AGO2: variants seen among roughly 807,000 people sequenced by gnomAD.
The protein encoded by AGO2 is protein argonaute-2.
Under a neutral mutation model 102.3 loss-of-function variants are expected in AGO2, and 5 were observed. That is an observed-to-expected ratio of 0.05 (90% CI 0.03 to 0.10). The LOEUF (loss-of-function observed/expected upper bound fraction) is 0.10. Among genes scored for constraint, AGO2 ranks in the 10% least tolerant of loss-of-function variants. The pLI, the probability that AGO2 is intolerant of heterozygous loss-of-function variation, is 1.00. For synonymous variants in AGO2, 449 were observed against 473.1 expected, an observed-to-expected ratio of 0.95 and a Z score of 0.66; for missense variants, 541 against 1,183.7, an observed-to-expected ratio of 0.46 and a Z score of 7.97.
At chr8:140,536,615 G>A (rs956733999) in intron 16 of AGO2, among the ~76,000 whole-genome samples, 6 of 152,206 alleles carry the variant, frequency 3.9e-5, no homozygotes, top group Admixed American at 6.5e-5. Flanking sequence ...ATGAGCCAGC[G>A]CATCCGGCCC....
At position 140,539,548 on chromosome 8, in the gene AGO2, C is replaced by A. The variant is rs1438977164; in HGVS notation, c.2035-94G>T. The A allele has an allele frequency of 7.1e-7, 1 of 1,418,398 alleles. No homozygotes were observed. Among genetic ancestry groups the A allele is most frequent in the East Asian group, 2.3e-5 (1 of 42,814 alleles). The allele number at this position is 1,418,398 out of a possible 1,614,324, so 87.9% of individuals were successfully genotyped here. On this transcript the variant is annotated intron_variant, in intron 15 of 18. Transcript: ENST00000220592. The surrounding 1 kb of genome is among the most constrained non-coding windows in gnomAD (Gnocchi z 4.7). ...GGGTTCTGGGTTGAGAACACCCAGC[C>A]GTGGTGATTCTGAGAGACAATGAGT...
rs1345428682 is a variant in AGO2 at position 140,539,519 on chromosome 8, G to A, written c.2035-65C>T. On this transcript the variant is annotated intron_variant, in intron 15 of 18. Transcript: ENST00000220592. The surrounding 1 kb of genome is among the most constrained non-coding windows in gnomAD (Gnocchi z 4.7). The stretch of plus-strand genomic sequence containing the variant: ...TAGTGCATGTGAGCAACGGTCCCAC[G>A]TGCGGGTTCTGGGTTGAGAACACCC... 7 of 1,541,018 alleles carry A rather than the reference G, an allele frequency of 4.5e-6. No individual in the cohort carries two copies. Among genetic ancestry groups the A allele is most frequent in the East Asian group, 4.5e-5 (2 of 43,976 alleles).
At chr8:140,602,617 T>C (rs866791326) in intron 1 of AGO2, among the ~76,000 whole-genome samples, 2 of 152,220 alleles carry the variant, frequency 1.3e-5, no homozygotes, top group East Asian at 1.9e-4. Flanking sequence ...GCTAATTCAA[T>C]TGCATGGAGA....
chr8:140,620,537 A>G (rs2074205495), intron 1 of AGO2, among the ~76,000 whole-genome samples: 1 of 152,190 alleles, frequency 6.6e-6, no homozygotes, highest in African/African-American at 2.4e-5. Context: ...ACTTTTATGT[A>G]CATTTGAATT....
chr8:140,593,816 C>T (rs1385810513), intron 1 of AGO2, among the ~76,000 whole-genome samples: 1 of 152,130 alleles, frequency 6.6e-6, no homozygotes. Context: ...ACAGGCAGAG[C>T]TGGGATTCAC....
intron 3 of AGO2, among the ~76,000 whole-genome samples, chr8:140,569,882 C>T (rs970710350): frequency 1.3e-5 from 2 of 152,204 alleles, no homozygotes; most frequent in Non-Finnish European, 2.9e-5. Context: ...CACGGGCCCC[C>T]TGTGCAGAGG....
chr8:140,564,708 T>G (rs890894123), intron 3 of AGO2, among the ~76,000 whole-genome samples: 3 of 151,934 alleles, frequency 2.0e-5, no homozygotes, highest in African/African-American at 7.3e-5. Context: ...TTTGGGAGGC[T>G]GAGGCAGATG....
chr8:140,610,825 T>TC (rs1261862146), intron 1 of AGO2, among the ~76,000 whole-genome samples: 1 of 151,996 alleles, frequency 6.6e-6, no homozygotes, highest in Non-Finnish European at 1.5e-5. Flanking sequence ...AAACACACAG[T>TC]CCCCCAAATC....
chr8:140,540,656 G>A lies in AGO2; in HGVS notation c.2034+508C>T, dbSNP rs368715306. ...GACTCAGCAGTGACCCATTGTGGCC[G>A]TCCCTCTCTCTACATCCAGACAGTG... On this transcript the variant is annotated intron_variant, in intron 15 of 18. Transcript: ENST00000220592. The surrounding 1 kb of genome is among the most constrained non-coding windows in gnomAD (Gnocchi z 5.0). Among the ~76,000 whole-genome samples, 270 of 152,232 alleles carry A rather than the reference G, an allele frequency of 1.8e-3. 2 individuals are homozygous for A. The highest frequency in any genetic ancestry group is 6.1e-3 in the African/African-American group (255 of 41,534).
intron 1 of AGO2, among the ~76,000 whole-genome samples, chr8:140,588,762 A>G (rs750753482): frequency 4.6e-5 from 7 of 152,246 alleles, no homozygotes; most frequent in Non-Finnish European, 8.8e-5. Flanking sequence ...GGGAGGGGCG[A>G]TGGCTCCCCG....
In AGO2 at chr8:140,596,358, T is replaced by C. The variant is rs1159520946; in HGVS notation, c.23-11047A>G. On this transcript the variant is annotated intron_variant, in intron 1 of 18. Transcript: ENST00000220592. Reference sequence around the variant, plus strand: ...CAGCATTTTGGGAGGCCAAGGCGGGTAGACCATCTGAGGTCGGGAGTTCGA... The same window carrying C: ...CAGCATTTTGGGAGGCCAAGGCGGGCAGACCATCTGAGGTCGGGAGTTCGA... 5.3e-5 allele frequency among the ~76,000 whole-genome samples: 8 copies of C among 152,030 alleles called. 1 individual carries two copies. The highest frequency in any genetic ancestry group is 1.0e-4 in the Non-Finnish European group (7 of 68,014).
the AGO2 span, among the ~76,000 whole-genome samples, chr8:140,640,799 G>A: frequency 3.3e-4 from 50 of 152,160 alleles, no homozygotes; most frequent in Non-Finnish European, 5.0e-4. Context: ...GATTACAGGC[G>A]TGAGCCACCA....
At chr8:140,584,350 G>C (rs963490272) in intron 2 of AGO2, among the ~76,000 whole-genome samples, 1 of 152,104 alleles carries the variant, frequency 6.6e-6, no homozygotes, top group Non-Finnish European at 1.5e-5. Context: ...GCTGGTGGGG[G>C]TGGGTGGCCT....
intron 1 of AGO2, among the ~76,000 whole-genome samples, chr8:140,596,762 G>A (rs1379638680): frequency 2.6e-5 from 4 of 152,336 alleles, no homozygotes; most frequent in African/African-American, 4.8e-5. Context: ...CAGCACGTCC[G>A]GGTCACCTGC....
intron 16 of AGO2, among the ~76,000 whole-genome samples, chr8:140,537,069 G>A (rs1244145061): frequency 2.0e-5 from 3 of 152,226 alleles, no homozygotes; most frequent in African/African-American, 4.8e-5. Context: ...TAATGCATGA[G>A]CTACTCAGCA....
intron 1 of AGO2, among the ~76,000 whole-genome samples, chr8:140,615,205 C>G (rs9942737): frequency 0.041 from 6,186 of 152,270 alleles, 357 homozygotes; most frequent in African/African-American, 0.13. Context: ...GAGCCGAGAT[C>G]GTGCCACTCC....
At chr8:140,544,934 G>A (rs995256616) in intron 13 of AGO2, among the ~76,000 whole-genome samples, 6 of 152,170 alleles carry the variant, frequency 3.9e-5, no homozygotes, top group East Asian at 1.9e-4. Context: ...CGGGCTCTCC[G>A]GGGAAAGGCG....
At chr8:140,600,954 A>T (rs2073924640) in intron 1 of AGO2, among the ~76,000 whole-genome samples, 1 of 151,430 alleles carries the variant, frequency 6.6e-6, no homozygotes, top group Non-Finnish European at 1.5e-5. Context: ...CCCGAATTCG[A>T]ATTGTGTCTA....
At chr8:140,554,645 T>C (rs990620522) in intron 10 of AGO2, among the ~76,000 whole-genome samples, 6 of 152,224 alleles carry the variant, frequency 3.9e-5, no homozygotes, top group Non-Finnish European at 7.3e-5. Flanking sequence ...TTAATTCTTT[T>C]GTATCTTCTG....
Sources: gnomAD v4.1 joint callset for allele counts (sites outside exome capture counted in the v4.1 genomes callset) on GRCh38, gnomAD v4.1.1 for gene constraint, Gnocchi (gnomAD v3.1) non-coding constraint, MANE v1.5 for transcripts, NCBI Gene and HGNC (gene_info 2026-07-23, HGNC 2026-07-21) for gene names.